The following KIZ variants were observed in gnomAD, a reference collection of about 807,000 sequenced individuals.
KIZ encodes the protein centrosomal protein kizuna.
KIZ carries 68 observed loss-of-function variants against 79.6 expected under a neutral mutation model. That is an observed-to-expected ratio of 0.85 (90% CI 0.70 to 1.05). The LOEUF is 1.05. KIZ is among the 50% of genes least tolerant of loss of function. The pLI is 0.00. For missense variants in KIZ, 797 were observed against 800.4 expected (o/e 1.00, Z 0.05); for synonymous variants, 280 against 281.8 (o/e 0.99, Z 0.06).
Position 21,185,550 on chromosome 20 carries a change from C to T in KIZ, c.1353-19941C>T, listed in dbSNP as rs370435986. Among the ~76,000 whole-genome samples the T allele has an allele frequency of 4.6e-5, 7 of 151,176 alleles. No individual in the cohort carries two copies. The East Asian group carries it at 5.8e-4, about 13-fold the overall frequency. ...TCAGCCTCCCGAGTAGCTGGGATTA[C>T]AGGCAGCCACCACCACACCCGGCTA... On this transcript the variant is annotated intron_variant, in intron 6 of 12. Transcript: ENST00000619189.
chr20:21,153,016 A>G (rs1165306961), intron 4 of KIZ, among the ~76,000 whole-genome samples: 1 of 152,214 alleles, frequency 6.6e-6, no homozygotes, highest in African/African-American at 2.4e-5. Context: ...AGTTTTGAAT[A>G]TTGTAGCATA....
At chr20:21,208,943 A>G (rs545730218) in intron 7 of KIZ, among the ~76,000 whole-genome samples, 18 of 152,332 alleles carry the variant, frequency 1.2e-4, no homozygotes, top group African/African-American at 4.1e-4. Flanking sequence ...CACATTTGGT[A>G]AATACTACGG....
chr20:21,166,712 C>T (rs1318697820), intron 6 of KIZ: 1 of 619,510 alleles, frequency 1.6e-6, no homozygotes, highest in Non-Finnish European at 2.8e-6. Flanking sequence ...CCTGCCTCAG[C>T]TTCCCAAAGT....
In KIZ at chr20:21,173,228, G is replaced by A. The variant is rs2034292299; in HGVS notation, c.1352+10069G>A. Among the ~76,000 whole-genome samples the A allele has an allele frequency of 3.9e-5, 6 of 152,254 alleles. No homozygotes were observed. In the South Asian group the frequency reaches 1.2e-3, roughly 32 times the overall value. ...AGGTGCTGTTGCTTTGGACTGTGGT[G>A]GCAGCAGTAGGGTGGTAAGAAGTGG... On this transcript the variant is annotated intron_variant, in intron 6 of 12. Coordinates refer to ENST00000619189, the MANE Select transcript of KIZ (RefSeq NM_018474.6).
At chr20:21,211,641 C>G (rs569107619) in intron 7 of KIZ, among the ~76,000 whole-genome samples, 2 of 152,294 alleles carry the variant, frequency 1.3e-5, no homozygotes, top group African/African-American at 4.8e-5. Context: ...ATAAAGCAAC[C>G]TGTTAACTGT....
chr20:21,237,637 G>A (rs958417717), intron 11 of KIZ, among the ~76,000 whole-genome samples: 1 of 152,128 alleles, frequency 6.6e-6, no homozygotes, highest in Non-Finnish European at 1.5e-5. Flanking sequence ...GAATGCTCTT[G>A]CCCCACTCTT....
At chr20:21,185,932 C>A (rs543433712) in intron 6 of KIZ, among the ~76,000 whole-genome samples, 19 of 151,858 alleles carry the variant, frequency 1.3e-4, no homozygotes, top group Non-Finnish European at 1.6e-4. Flanking sequence ...TTTTGAGAAC[C>A]GTCTCAAAAT....
intron 6 of KIZ, among the ~76,000 whole-genome samples, chr20:21,175,007 C>G (rs2034373432): frequency 6.6e-6 from 1 of 152,244 alleles, no homozygotes. Context: ...TCTCAGCTGT[C>G]TGTTTTCATC....
intron 1 of KIZ, among the ~76,000 whole-genome samples, chr20:21,128,625 CTGCAT>C (rs1600335938): frequency 6.6e-6 from 1 of 152,134 alleles, no homozygotes; most frequent in East Asian, 1.9e-4. Context: ...AGTGTTTTTT[CTGCAT>C]TGTGGTGAAA....
intron 10 of KIZ, 99 bp from the exon 11 acceptor site, chr20:21,232,635 C>T (rs1413536723): frequency 1.0e-5 from 7 of 673,126 alleles, no homozygotes; most frequent in Non-Finnish European, 8.3e-6. Context: ...CCTCTGTTGG[C>T]GTTTGTTTCA....
At position 21,205,474 on chromosome 20, in the gene KIZ, C is replaced by A; in HGVS notation, c.1353-17C>A. ...ATATTACAAATCTATAGTGAGTGTC[C>A]TGTTTCTGTTTTATAGACCTGGACA... is the stretch of plus-strand genomic sequence containing the variant. On this transcript the variant is annotated splice_polypyrimidine_tract_variant and intron_variant, in intron 6 of 12. Coordinates refer to ENST00000619189, the MANE Select transcript of KIZ (RefSeq NM_018474.6). 9.0e-7 allele frequency: 1 copy of A among 1,115,052 alleles called. No individual in the cohort carries two copies. Among genetic ancestry groups the A allele is most frequent in the Non-Finnish European group, 1.3e-6 (1 of 754,786 alleles). 69.1% of individuals were successfully genotyped at this position (1,115,052 alleles called of 1,614,324 possible). A position where few individuals can be genotyped will look rare whatever the true frequency, so the allele number is the denominator to read the frequency against.
intron 7 of KIZ, among the ~76,000 whole-genome samples, chr20:21,208,659 G>A (rs950580752): frequency 2.6e-5 from 4 of 151,152 alleles, no homozygotes; most frequent in African/African-American, 7.3e-5. Flanking sequence ...CCGAGATTGC[G>A]CCACTGCACT....
rs1422046757 is a variant in KIZ at position 21,136,557 on chromosome 20, C to T, written c.315+5C>T. On this transcript the variant is annotated splice_donor_5th_base_variant and intron_variant, in intron 3 of 12. Transcript: ENST00000619189. ...GAGAAGCTTCAAAAACTGAAGGTGA[C>T]TTCCTGTTTTTTACTGTGTTTTATT... The T allele has an allele frequency of 1.3e-6, 2 of 1,532,458 alleles. No homozygotes were observed. Among genetic ancestry groups the T allele is most frequent in the Non-Finnish European group, 1.8e-6 (2 of 1,141,474 alleles). The allele number at this position is 1,532,458 out of a possible 1,614,324, so 94.9% of individuals were successfully genotyped here.
intron 6 of KIZ, among the ~76,000 whole-genome samples, chr20:21,173,529 G>C (rs1008459585): frequency 2.1e-5 from 3 of 140,896 alleles, no homozygotes; most frequent in African/African-American, 7.9e-5. Flanking sequence ...AGTGAGCCAA[G>C]ATTGTGCCAC....
intron 3 of KIZ, among the ~76,000 whole-genome samples, chr20:21,143,408 G>A (rs2032679127): frequency 6.6e-6 from 1 of 152,220 alleles, no homozygotes; most frequent in Non-Finnish European, 1.5e-5. Flanking sequence ...ATTGACGGAA[G>A]TGAGAATGCA....
rs149417849 is a variant in KIZ, at chr20:21,221,746, T to C, written c.1678+6098T>C. Among the ~76,000 whole-genome samples the C allele has an allele frequency of 2.6e-3, 396 of 152,322 alleles. 1 individual carries two copies. The highest frequency in any genetic ancestry group is 0.014 in the Middle Eastern group (4 of 294). ...GCAGTGCTTCCCAAAACATGATTGCTTGAGTTTTACATCAATTTGGAAAAG... is the reference window on the plus strand; with the variant it reads ...GCAGTGCTTCCCAAAACATGATTGCCTGAGTTTTACATCAATTTGGAAAAG... On this transcript the variant is annotated intron_variant, in intron 9 of 12. Coordinates refer to ENST00000619189, the MANE Select transcript of KIZ (RefSeq NM_018474.6).
At chr20:21,213,914 C>T (rs2036177008) in intron 7 of KIZ, 2 of 152,234 alleles carry the variant, frequency 1.3e-5, no homozygotes, top group Middle Eastern at 3.2e-3. Context: ...GACTTACAGG[C>T]AAAGTGCAGA....
rs79371875 is a variant in KIZ, at chr20:21,136,056, C to T, written c.153-334C>T. Among the ~76,000 whole-genome samples, 313 of 152,216 alleles carry T rather than the reference C, an allele frequency of 2.1e-3. 1 individual carries two copies. Among genetic ancestry groups the T allele is most frequent in the African/African-American group, 7.2e-3 (297 of 41,534 alleles). ...GTAAGAATGTTAGTGAGCCATTCGTCGAACATGTCCACATAGACACTACTC... is the reference window on the plus strand; with the variant it reads ...GTAAGAATGTTAGTGAGCCATTCGTTGAACATGTCCACATAGACACTACTC... On this transcript the variant is annotated intron_variant, in intron 2 of 12. Coordinates refer to ENST00000619189, the MANE Select transcript of KIZ (RefSeq NM_018474.6).
intron 11 of KIZ, among the ~76,000 whole-genome samples, chr20:21,243,558 A>C (rs2037288621): frequency 6.6e-6 from 1 of 152,192 alleles, no homozygotes; most frequent in African/African-American, 2.4e-5. Flanking sequence ...GCATCATAAA[A>C]CATTCGAGTG....
Sources: allele counts gnomAD v4.1 joint callset (sites outside exome capture counted in the v4.1 genomes callset), GRCh38; gene constraint gnomAD v4.1.1; transcripts MANE v1.5; gene names NCBI Gene and HGNC (gene_info 2026-07-23, HGNC 2026-07-21).